SNX30: variants seen among roughly 807,000 people sequenced by gnomAD.
SNX30 encodes the protein sorting nexin-30.
In SNX30, 24 loss-of-function variants were observed where a neutral mutation model predicts 46.4. The observed-to-expected ratio is 0.52, with a 90% CI of 0.37 to 0.73. The LOEUF (loss-of-function observed/expected upper bound fraction) is 0.73. Among genes scored for constraint, SNX30 ranks in the 30% least tolerant of loss-of-function variants. The probability of loss-of-function intolerance (pLI) is 0.00; values close to 1 mark genes in which losing one functional copy is unlikely to be tolerated. For synonymous variants in SNX30, 189 were observed against 211.5 expected (o/e 0.89, Z 0.92); for missense variants, 533 against 555.7 (o/e 0.96, Z 0.41).
At chr9:112,773,564 G>A (rs1361111109) in intron 1 of SNX30, among the ~76,000 whole-genome samples, 3 of 152,124 alleles carry the variant, frequency 2.0e-5, no homozygotes, top group African/African-American at 4.8e-5. Context: ...GCATCTTGAG[G>A]TGTGTGGTGT....
intron 5 of SNX30, among the ~76,000 whole-genome samples, chr9:112,880,943 C>T (rs1308005189): frequency 5.9e-5 from 9 of 152,178 alleles, no homozygotes; most frequent in Admixed American, 5.9e-4. Flanking sequence ...TTTGCATCCA[C>T]ATTTTCTTTT....
intron 1 of SNX30, among the ~76,000 whole-genome samples, chr9:112,796,362 T>A (rs1015792993): frequency 6.6e-6 from 1 of 152,254 alleles, no homozygotes; most frequent in African/African-American, 2.4e-5. Context: ...CAAGACATGA[T>A]GTTTATCCTG....
At chr9:112,768,647 CTTTTT>C (rs58983756) in intron 1 of SNX30, among the ~76,000 whole-genome samples, 9 of 64,356 alleles carry the variant, frequency 1.4e-4, no homozygotes, top group African/African-American at 4.3e-4. Flanking sequence ...ATTCTTTCTT[CTTTTT>C]TTTTTTTTTT....
At chr9:112,813,826 G>A (rs1588124957) in intron 2 of SNX30, among the ~76,000 whole-genome samples, 1 of 151,384 alleles carries the variant, frequency 6.6e-6, no homozygotes, top group African/African-American at 2.4e-5. Flanking sequence ...ATTACTGACA[G>A]CCATAGAATA....
rs779706450 is a variant in SNX30 at position 112,751,081 on chromosome 9, C to A, written c.80C>A (p.Ser27Tyr). ...GACATGCCGCACCCGCTGGCCGGCTCCAGCAGCGAGGAGGCCGTGGGTGGT... is the reference window on the plus strand; with the variant it reads ...GACATGCCGCACCCGCTGGCCGGCTACAGCAGCGAGGAGGCCGTGGGTGGT... ...LRDMPHPLAG[S>Y]SSEEAVGGDS... Residue 27 changes from serine (S) to tyrosine (Y), a missense_variant, in exon 1 of 9, where the codon TCC (serine) becomes TAC (tyrosine). Coordinates refer to ENST00000374232, the MANE Select transcript of SNX30 (RefSeq NM_001012994.2). 1.7e-5 allele frequency: 26 copies of A among 1,510,400 alleles called. No individual in the cohort carries two copies. The East Asian group carries it at 6.6e-4, about 38-fold the overall frequency. The allele number at this position is 1,510,400 out of a possible 1,614,324, so 93.6% of individuals were successfully genotyped here.
chr9:112,842,336 T>C (rs1799796067), intron 6 of SNX30, among the ~76,000 whole-genome samples: 1 of 152,220 alleles, frequency 6.6e-6, no homozygotes, highest in Non-Finnish European at 1.5e-5. Flanking sequence ...GGTGAGGTTC[T>C]GTCAGTCTAT....
chr9:112,761,102 A>G (rs1250400322), intron 1 of SNX30, among the ~76,000 whole-genome samples: 1 of 152,142 alleles, frequency 6.6e-6, no homozygotes, highest in Admixed American at 6.5e-5. Flanking sequence ...GAGTGCTGTG[A>G]TGTGGAGGTT....
intron 1 of SNX30, 73 bp downstream of exon 1, chr9:112,751,230 T>G: frequency 7.6e-6 from 10 of 1,310,896 alleles, no homozygotes; most frequent in Non-Finnish European, 9.8e-6. Flanking sequence ...TCCGGAGCCT[T>G]CGTGGGCCTG....
chr9:112,838,727 A>G (rs1269620150), intron 6 of SNX30, 30 bp downstream of exon 6: 3 of 1,598,098 alleles, frequency 1.9e-6, no homozygotes, highest in Admixed American at 3.3e-5. Context: ...GTGTATTTGC[A>G]TACTTTCTTT....
At chr9:112,781,760 T>C (rs533121508) in intron 1 of SNX30, among the ~76,000 whole-genome samples, 8 of 152,056 alleles carry the variant, frequency 5.3e-5, no homozygotes, top group African/African-American at 1.4e-4. Context: ...GCCTCCTGAG[T>C]AGCTGGGATT....
intron 6 of SNX30, among the ~76,000 whole-genome samples, chr9:112,839,694 TC>T (rs1164873835): frequency 6.6e-6 from 1 of 152,182 alleles, no homozygotes; most frequent in Non-Finnish European, 1.5e-5. Flanking sequence ...TGTTGAACAT[TC>T]CCACCTCTAA....
chr9:112,812,889 A>G (rs996503452), intron 2 of SNX30, among the ~76,000 whole-genome samples: 16 of 152,176 alleles, frequency 1.1e-4, no homozygotes, highest in African/African-American at 3.4e-4. Flanking sequence ...CCTCATGCCT[A>G]TAATCCCAGC....
chr9:112,770,673 C>G (rs111656849), intron 1 of SNX30, among the ~76,000 whole-genome samples: 1 of 152,120 alleles, frequency 6.6e-6, no homozygotes, highest in Non-Finnish European at 1.5e-5. Flanking sequence ...CTATTTCATT[C>G]AGGCCTCCCC....
chr9:112,804,860 G>C lies in SNX30; in HGVS notation c.241G>C (p.Asp81His), dbSNP rs747457566. The change falls in exon 2 of 9, where the codon GAT becomes CAT. Residue 81 changes from aspartate to histidine, a missense_variant. Transcript: ENST00000374232. The stretch of plus-strand genomic sequence containing the variant: ...TTCCCTTCTCAACAGACTTCAGCTT[G>C]ATGATGATATTGATGGTGAGACTAG... ...SSSLLNRLQLDDDIDGETRDL... is the reference protein window; with the variant it reads ...SSSLLNRLQLHDDIDGETRDL... The C allele has an allele frequency of 8.1e-6, 13 of 1,614,028 alleles. No homozygotes were observed. The East Asian group carries it at 2.7e-4, about 33-fold the overall frequency.
intron 3 of SNX30, among the ~76,000 whole-genome samples, chr9:112,820,818 T>G (rs1404764297): frequency 1.3e-5 from 2 of 152,204 alleles, no homozygotes; most frequent in Non-Finnish European, 2.9e-5. Flanking sequence ...TTTTTTCACT[T>G]AGCATATTTT....
At chr9:112,875,044 A>G (rs1052094431), downstream of SNX30, 1 of 152,114 alleles carries the variant, frequency 6.6e-6, no homozygotes, top group African/African-American at 2.4e-5. Context: ...ATGTGTGCCT[A>G]TTTTTCTGTT....
intron 1 of SNX30, among the ~76,000 whole-genome samples, chr9:112,772,577 C>G (rs908114907): frequency 3.9e-5 from 6 of 152,162 alleles, no homozygotes; most frequent in Non-Finnish European, 8.8e-5. Context: ...ATCTTCACTT[C>G]CAGTCTGACT....
intron 1 of SNX30, among the ~76,000 whole-genome samples, chr9:112,793,049 T>C (rs1432015407): frequency 6.6e-6 from 1 of 152,192 alleles, no homozygotes; most frequent in Non-Finnish European, 1.5e-5. Context: ...AATGCCATTT[T>C]GAGTTGTTTT....
intron 2 of SNX30, among the ~76,000 whole-genome samples, chr9:112,807,773 G>A (rs527300244): frequency 5.3e-5 from 8 of 152,268 alleles, no homozygotes; most frequent in South Asian, 2.1e-4. Flanking sequence ...AGAGGCTAAC[G>A]CGCAACTGCA....
Sources: gnomAD v4.1 joint callset for allele counts (sites outside exome capture counted in the v4.1 genomes callset) on GRCh38, gnomAD v4.1.1 for gene constraint, MANE v1.5 for transcripts, NCBI Gene and HGNC (gene_info 2026-07-23, HGNC 2026-07-21) for gene names.